TRIP12: variants seen among roughly 807,000 people sequenced by gnomAD.
TRIP12 encodes the protein E3 ubiquitin-protein ligase TRIP12.
A neutral mutation model predicts 244.2 loss-of-function variants in TRIP12; 25 were observed. The observed-to-expected ratio is 0.10, with a 90% confidence interval of 0.07 to 0.14. The LOEUF (loss-of-function observed/expected upper bound fraction) is 0.14. Among genes scored for constraint, TRIP12 ranks in the 10% least tolerant of loss-of-function variants. TRIP12 has a pLI of 1.00. For synonymous variants in TRIP12, 905 were observed against 873.1 expected (o/e 1.04, Z -0.64); for missense variants, 1,677 against 2,486.4 (o/e 0.67, Z 6.92).
intron 6 of TRIP12, among the ~76,000 whole-genome samples, chr2:229,834,826 T>C (rs1282401209): frequency 6.6e-6 from 1 of 151,982 alleles, no homozygotes; most frequent in Non-Finnish European, 1.5e-5. Flanking sequence ...TGGCAAACAC[T>C]ACACTTTCAA....
In TRIP12 at chr2:229,778,922, G is replaced by A. The variant is rs1431994750; in HGVS notation, c.5163C>T (p.Asp1721=). ...ALVSQELQRA[D]LGLWRGEEVT... Reference sequence around the variant, plus strand: ...CTTCTTCACCTCTCCAAAGACCCAAGTCAGCTCTCTGTAGTTCCTGAGATA... The same window carrying A: ...CTTCTTCACCTCTCCAAAGACCCAAATCAGCTCTCTGTAGTTCCTGAGATA... The change falls in exon 35 of 42, where the codon GAC becomes GAT. Residue 1721 remains aspartate (D), a synonymous_variant. Transcript: ENST00000675903. The surrounding 1 kb of genome is among the most constrained non-coding windows in gnomAD (Gnocchi z 4.1). The A allele has an allele frequency of 1.9e-6, 3 of 1,613,924 alleles. No homozygotes were observed.
intron 1 of TRIP12, among the ~76,000 whole-genome samples, chr2:229,909,419 G>A (rs184081561): frequency 3.3e-5 from 5 of 151,908 alleles, no homozygotes; most frequent in Admixed American, 3.3e-4. Context: ...TTAGCTGGAT[G>A]TGGTTGTGAA....
intron 1 of TRIP12, among the ~76,000 whole-genome samples, chr2:229,889,150 T>C (rs1238779833): frequency 6.6e-6 from 1 of 152,178 alleles, no homozygotes; most frequent in Non-Finnish European, 1.5e-5. Context: ...CAGAAGAGCA[T>C]ATCAATCTCT....
At chr2:229,864,035 AGAGAGAGAGAGAGTGTGTGTGTGTGT>A (rs1255151091) in intron 2 of TRIP12, among the ~76,000 whole-genome samples, 2,150 of 133,056 alleles carry the variant, frequency 0.016, 47 homozygotes, top group African/African-American at 0.06. Context: ...AGAGAGAGAG[AGAGAGAGAGAGAGTGTGTGTGTGTGT>A]GTGTGTGTGT....
Position 229,792,244 on chromosome 2 carries a change from C to T in TRIP12, c.4142-18G>A. 6.2e-7 allele frequency: 1 copy of T among 1,607,952 alleles called. No individual in the cohort carries two copies. The highest frequency in any genetic ancestry group is 8.5e-7 in the Non-Finnish European group (1 of 1,177,588). On this transcript the variant is annotated intron_variant, in intron 27 of 41. Transcript: ENST00000675903. ...TCCATACCCTGAAGACCCAAGTAGA[C>T]TTTTAAACTCTTAGCGATTTTAGGT...
At chr2:229,780,073 T>C (rs1288164098) in intron 34 of TRIP12, among the ~76,000 whole-genome samples, 1 of 152,210 alleles carries the variant, frequency 6.6e-6, no homozygotes, top group Non-Finnish European at 1.5e-5. Context: ...CCACACTAGC[T>C]TAAAAGTTTA....
At chr2:229,854,253 G>C (rs573069797) in intron 4 of TRIP12, among the ~76,000 whole-genome samples, 53 of 152,104 alleles carry the variant, frequency 3.5e-4, no homozygotes, top group Non-Finnish European at 2.1e-4. Flanking sequence ...ACATTATTTA[G>C]TTCCAACTTA....
At chr2:229,878,429 G>A (rs573520582) in intron 2 of TRIP12, among the ~76,000 whole-genome samples, 6 of 147,930 alleles carry the variant, frequency 4.1e-5, no homozygotes, top group South Asian at 2.1e-4. Flanking sequence ...CAGCCTGGGC[G>A]ACAGCAACTG....
intron 21 of TRIP12, 78 bp from the exon 22 acceptor site, chr2:229,799,461 A>C: frequency 7.6e-7 from 1 of 1,323,340 alleles, no homozygotes. Context: ...AGCAAACTAA[A>C]ATGGCAGAAA....
intron 1 of TRIP12, among the ~76,000 whole-genome samples, chr2:229,901,620 G>GAAAA (rs57457531): frequency 1.4e-5 from 2 of 143,526 alleles, no homozygotes; most frequent in Admixed American, 7.0e-5. Context: ...GAGACTGTCT[G>GAAAA]AAAAAAAAAA....
chr2:229,896,715 T>C (rs2068934568), intron 1 of TRIP12, among the ~76,000 whole-genome samples: 1 of 152,146 alleles, frequency 6.6e-6, no homozygotes, highest in African/African-American at 2.4e-5. Context: ...ACTAGGCTTT[T>C]AAAATACTCT....
intron 2 of TRIP12, among the ~76,000 whole-genome samples, chr2:229,868,782 A>G (rs1295552568): frequency 5.3e-5 from 8 of 152,256 alleles, no homozygotes; most frequent in Non-Finnish European, 8.8e-5. Flanking sequence ...GGCTTTAGGG[A>G]AACAAACTAT....
rs1460763148 is a variant in TRIP12 at position 229,913,991 on chromosome 2, G to GGC, written c.-50+7887_-50+7888dup. Among the ~76,000 whole-genome samples, 24 of 152,284 alleles carry GGC rather than the reference G, an allele frequency of 1.6e-4. 1 individual carries two copies. Among genetic ancestry groups the GGC allele is most frequent in the African/African-American group, 5.5e-4 (23 of 41,548 alleles). ...ATATATTTCTAAGAGATACAGGCCA[G>GGC]GCGCGGTGGCTCACACTTGTAATCC... On this transcript the variant is annotated intron_variant, in intron 1 of 41. Coordinates refer to ENST00000675903, the MANE Select transcript of TRIP12 (RefSeq NM_001348323.3).
intron 8 of TRIP12, among the ~76,000 whole-genome samples, chr2:229,821,559 T>C (rs1024092695): frequency 2.0e-5 from 3 of 152,214 alleles, no homozygotes; most frequent in African/African-American, 7.2e-5. Context: ...CATGACTGTA[T>C]ACCAATAAAA....
intron 1 of TRIP12, among the ~76,000 whole-genome samples, chr2:229,915,829 A>G (rs1036679578): frequency 3.3e-5 from 5 of 152,138 alleles, no homozygotes; most frequent in African/African-American, 1.2e-4. Flanking sequence ...AGGTAGCTGA[A>G]GACTACAGGC....
chr2:229,906,310 AAAAAAAAAG>A (rs1560280027), intron 1 of TRIP12, among the ~76,000 whole-genome samples: 1 of 151,140 alleles, frequency 6.6e-6, no homozygotes, highest in Non-Finnish European at 1.5e-5. Flanking sequence ...TCTCAAAAAA[AAAAAAAAAG>A]AAAAGAAAAG....
chr2:229,864,039 AGAGAGAGAGTGTGTGTGTGT>A (rs1189913176), intron 2 of TRIP12, among the ~76,000 whole-genome samples: 66 of 79,160 alleles, frequency 8.3e-4, no homozygotes, highest in African/African-American at 2.8e-3. Context: ...AGAGAGAGAG[AGAGAGAGAGTGTGTGTGTGT>A]GTGTGTGTGT....
At chr2:229,857,047 A>C (rs889675679) in intron 4 of TRIP12, among the ~76,000 whole-genome samples, 1 of 152,218 alleles carries the variant, frequency 6.6e-6, no homozygotes, top group Non-Finnish European at 1.5e-5. Context: ...AAGTAGTTTT[A>C]GACTGCAGTG....
chr2:229,902,337 G>A (rs991201559), intron 1 of TRIP12, among the ~76,000 whole-genome samples: 1 of 151,910 alleles, frequency 6.6e-6, no homozygotes, highest in Non-Finnish European at 1.5e-5. Context: ...CCGAGATCGC[G>A]CCACTCTACT....
Sources: gnomAD v4.1 joint callset for allele counts (sites outside exome capture counted in the v4.1 genomes callset) on GRCh38, gnomAD v4.1.1 for gene constraint, Gnocchi (gnomAD v3.1) non-coding constraint, MANE v1.5 for transcripts, NCBI Gene and HGNC (gene_info 2026-07-23, HGNC 2026-07-21) for gene names.